The following PTGER4 variants were observed in gnomAD, a reference collection of about 807,000 sequenced individuals.
PTGER4 encodes prostaglandin E receptor 4.
Under a neutral mutation model 33.2 loss-of-function variants are expected in PTGER4, and 11 were observed. The ratio of observed to expected loss-of-function variants is 0.33; its 90% CI spans 0.21 to 0.55. PTGER4 has a LOEUF of 0.55. PTGER4 is among the 20% of genes least tolerant of loss of function. The pLI is 0.92. For synonymous variants in PTGER4, 275 were observed against 281.5 expected (o/e 0.98, Z 0.23); for missense variants, 481 against 650.2 (o/e 0.74, Z 2.83).
At chr5:40,732,557 T>C in the PTGER4 span, among the ~76,000 whole-genome samples, 2 of 151,960 alleles carry the variant, frequency 1.3e-5, no homozygotes, top group African/African-American at 2.4e-5. Flanking sequence ...TTTGTTTATA[T>C]GCTCTACAGT....
chr5:40,699,056 C>T, the PTGER4 span, among the ~76,000 whole-genome samples: 3 of 152,050 alleles, frequency 2.0e-5, no homozygotes, highest in Non-Finnish European at 4.4e-5. Flanking sequence ...CTGATCAAGC[C>T]TCTAGATCTA....
Position 40,681,806 on chromosome 5 carries a change from C to A in PTGER4, c.813C>A (p.Val271=). The change falls in exon 2 of 3, where the codon GTC becomes GTA. Residue 271 remains valine, a synonymous_variant. Coordinates refer to ENST00000302472, the MANE Select transcript of PTGER4 (RefSeq NM_000958.3). This position sits in a 1 kb window ranked among gnomAD's most constrained non-coding sequence, Gnocchi z 9.8. Reference sequence around the variant, plus strand: ...TCGCGGGCGCCGAGATCCAGATGGTCATCTTACTCATTGCCACCTCCCTGG... The same window carrying A: ...TCGCGGGCGCCGAGATCCAGATGGTAATCTTACTCATTGCCACCTCCCTGG... ...RRIAGAEIQM[V]ILLIATSLVV... 6.3e-7 allele frequency: 1 copy of A among 1,588,160 alleles called. No individual in the cohort carries two copies. Among genetic ancestry groups the A allele is most frequent in the Non-Finnish European group, 8.5e-7 (1 of 1,170,638 alleles).
chr5:40,746,423 T>C, the PTGER4 span, among the ~76,000 whole-genome samples: 1 of 152,106 alleles, frequency 6.6e-6, no homozygotes, highest in African/African-American at 2.4e-5. Flanking sequence ...ATTCAGGAAA[T>C]GCCTAATTTA....
Position 40,685,509 on chromosome 5 carries a change from A to G in PTGER4, c.867+3649A>G, listed in dbSNP as rs115647962. On this transcript the variant is annotated intron_variant, in intron 2 of 2. Coordinates refer to ENST00000302472, the MANE Select transcript of PTGER4 (RefSeq NM_000958.3). ...GTATGACTATGACAGAATCTAAAAG[A>G]CTGGATTTGTTCAAATAAATTTGGC... is the stretch of plus-strand genomic sequence containing the variant. 1,246 of 965,356 alleles carry G rather than the reference A, an allele frequency of 1.3e-3. 14 individuals carry two copies. The African/African-American group carries it at 0.02, about 16-fold the overall frequency. 59.8% of individuals were successfully genotyped at this position (965,356 alleles called of 1,614,324 possible).
chr5:40,733,487 C>T, the PTGER4 span, among the ~76,000 whole-genome samples: 1 of 152,130 alleles, frequency 6.6e-6, no homozygotes, highest in South Asian at 2.1e-4. Context: ...TTTGCCAACC[C>T]TAGATCTACT....
rs1455296397 is a variant in PTGER4 at position 40,680,574 on chromosome 5, C to A, written c.-44+96C>A. Reference sequence around the variant, plus strand: ...AGCCAAGAAGGGAAGAGCGCGCTCTCCAAATTGCTTTTGTAACTTGTTTTC... The same window carrying A: ...AGCCAAGAAGGGAAGAGCGCGCTCTACAAATTGCTTTTGTAACTTGTTTTC... On this transcript the variant is annotated intron_variant, in intron 1 of 2. Transcript: ENST00000302472. The surrounding 1 kb of genome is among the most constrained non-coding windows in gnomAD (Gnocchi z 5.5). 2 of 159,294 alleles carry A rather than the reference C, an allele frequency of 1.3e-5. No homozygotes were observed. The highest frequency in any genetic ancestry group is 2.8e-5 in the Non-Finnish European group (2 of 72,282). 9.9% of individuals were successfully genotyped at this position (159,294 alleles called of 1,614,324 possible).
At chr5:40,718,564 A>G in the PTGER4 span, among the ~76,000 whole-genome samples, 4 of 152,126 alleles carry the variant, frequency 2.6e-5, no homozygotes, top group African/African-American at 9.6e-5. Context: ...AAATGGTGAA[A>G]CCCTGTCTCT....
At chr5:40,697,607 AAAAAAG>A (rs1423420846), downstream of PTGER4, among the ~76,000 whole-genome samples, 1 of 150,554 alleles carries the variant, frequency 6.6e-6, no homozygotes, top group East Asian at 1.9e-4. Context: ...AAAAACAAAG[AAAAAAG>A]AAAAAGAAGG....
At chr5:40,742,759 G>C in the PTGER4 span, among the ~76,000 whole-genome samples, 370 of 152,086 alleles carry the variant, frequency 2.4e-3, no homozygotes, top group African/African-American at 8.6e-3. Flanking sequence ...TCGGGAGGAG[G>C]GTGAGAAAAT....
the PTGER4 span, among the ~76,000 whole-genome samples, chr5:40,709,816 G>A: frequency 3.3e-5 from 5 of 152,234 alleles, no homozygotes; most frequent in African/African-American, 1.2e-4. Context: ...AAACAGCATG[G>A]TACTGGTACC....
At position 40,680,854 on chromosome 5, in the gene PTGER4, T is replaced by C. The variant is rs1200815583; in HGVS notation, c.-43-97T>C. The C allele has an allele frequency of 9.1e-7, 1 of 1,097,926 alleles. No individual in the cohort carries two copies. The allele number at this position is 1,097,926 out of a possible 1,614,324, so 68.0% of individuals were successfully genotyped here. On this transcript the variant is annotated intron_variant, in intron 1 of 2. Transcript: ENST00000302472. The surrounding 1 kb of genome is among the most constrained non-coding windows in gnomAD (Gnocchi z 5.5). ...GAAAGTAGGATCGAGTTGCTCCCCT[T>C]GTCTTATCAGTGTATCGTTTCTCGG...
the PTGER4 span, among the ~76,000 whole-genome samples, chr5:40,717,976 C>T: frequency 6.6e-6 from 1 of 151,488 alleles, no homozygotes; most frequent in Non-Finnish European, 1.5e-5. Context: ...GCAGGAGAAT[C>T]GCTTGAACTC....
Position 40,691,836 on chromosome 5 carries a change from A to G in PTGER4, c.925A>G (p.Asn309Asp). 1 of 1,614,234 alleles carries G rather than the reference A, an allele frequency of 6.2e-7. No individual in the cohort carries two copies. The highest frequency in any genetic ancestry group is 1.3e-5 in the African/African-American group (1 of 75,064). ...AAGTTTGGAGCGAGAAGTCAGTAAA[A>G]ATCCAGATTTGCAGGCCATCCGAAT... ...QPSLEREVSK[N>D]PDLQAIRIAS... The change falls in exon 3 of 3, where the codon AAT (asparagine) becomes GAT (aspartate). Residue 309 changes from asparagine to aspartate, a missense_variant. Asn to Asp is a conservative substitution (Grantham distance 23). Coordinates refer to ENST00000302472, the MANE Select transcript of PTGER4 (RefSeq NM_000958.3). This position sits in a 1 kb window ranked among gnomAD's most constrained non-coding sequence, Gnocchi z 4.2.
rs147773415 is a variant in PTGER4, at chr5:40,691,799, G to A, written c.888G>A (p.Gln296=). 36 of 1,613,790 alleles carry A rather than the reference G, an allele frequency of 2.2e-5. No homozygotes were observed. Among genetic ancestry groups the A allele is most frequent in the Non-Finnish European group, 2.9e-5 (34 of 1,179,914 alleles). Residue 296 remains glutamine, a synonymous_variant, in exon 3 of 3, where the codon CAG becomes CAA. Coordinates refer to ENST00000302472, the MANE Select transcript of PTGER4 (RefSeq NM_000958.3). The surrounding 1 kb of genome is among the most constrained non-coding windows in gnomAD (Gnocchi z 4.2). ...IPLVVRVFVN[Q]LYQPSLEREV... The stretch of plus-strand genomic sequence containing the variant: ...TGCAGGTGCGAGTATTCGTCAACCA[G>A]TTATATCAGCCAAGTTTGGAGCGAG...
chr5:40,746,464 T>C, the PTGER4 span, among the ~76,000 whole-genome samples: 7 of 152,152 alleles, frequency 4.6e-5, no homozygotes, highest in Admixed American at 3.9e-4. Context: ...GCAGAAAGTT[T>C]CCAGTGATAA....
At chr5:40,685,177 C>T (rs1741294528) in intron 2 of PTGER4, among the ~76,000 whole-genome samples, 1 of 152,112 alleles carries the variant, frequency 6.6e-6, no homozygotes, top group Non-Finnish European at 1.5e-5. Flanking sequence ...GTAACAAATA[C>T]TCATCTCAGC....
At chr5:40,725,063 T>C in the PTGER4 span, among the ~76,000 whole-genome samples, 1 of 151,814 alleles carries the variant, frequency 6.6e-6, no homozygotes, top group African/African-American at 2.4e-5. Context: ...GCCAGGCTGG[T>C]CTCAAAACTC....
the PTGER4 span, among the ~76,000 whole-genome samples, chr5:40,741,449 G>A: frequency 6.6e-6 from 1 of 152,112 alleles, no homozygotes; most frequent in Non-Finnish European, 1.5e-5. Context: ...CATTTTCCCT[G>A]GATTTACAGA....
the PTGER4 span, among the ~76,000 whole-genome samples, chr5:40,699,562 G>A: frequency 5.0e-4 from 76 of 152,092 alleles, 1 homozygote; most frequent in South Asian, 0.016. Context: ...GGAAACTATA[G>A]GCCAATATCC....
Sources: gnomAD v4.1 joint callset for allele counts (sites outside exome capture counted in the v4.1 genomes callset) on GRCh38, gnomAD v4.1.1 for gene constraint, Gnocchi (gnomAD v3.1) non-coding constraint, MANE v1.5 for transcripts, NCBI Gene and HGNC (gene_info 2026-07-23, HGNC 2026-07-21) for gene names.